Variants in PCCA observed in about 807,000 individuals in gnomAD.
PCCA encodes the protein propionyl-CoA carboxylase alpha chain, mitochondrial.
In PCCA, 74 loss-of-function variants were observed where a neutral mutation model predicts 101.3. The ratio of observed to expected loss-of-function variants is 0.73; its 90% confidence interval spans 0.61 to 0.89. The LOEUF is 0.89. PCCA is among the 40% of genes least tolerant of loss of function. PCCA has a pLI of 0.00. For synonymous variants in PCCA, 294 were observed against 313.6 expected (o/e 0.94, Z 0.66); for missense variants, 891 against 907.0 (o/e 0.98, Z 0.23).
chr13:100,462,545 G>A (rs1156436972), intron 21 of PCCA, among the ~76,000 whole-genome samples: 1 of 152,148 alleles, frequency 6.6e-6, no homozygotes, highest in Non-Finnish European at 1.5e-5. Context: ...AGATCTGTTA[G>A]CTTTATTATT....
chr13:100,122,822 A>G (rs2049543846), intron 4 of PCCA, among the ~76,000 whole-genome samples: 1 of 152,112 alleles, frequency 6.6e-6, no homozygotes, highest in Non-Finnish European at 1.5e-5. Context: ...GCACTGTTAG[A>G]TGTTGTCCCT....
chr13:100,311,746 G>A (rs1158843909), intron 16 of PCCA, among the ~76,000 whole-genome samples: 1 of 152,068 alleles, frequency 6.6e-6, no homozygotes, highest in Non-Finnish European at 1.5e-5. Flanking sequence ...CTCCAGCCTG[G>A]GTGACAGTGT....
intron 22 of PCCA, among the ~76,000 whole-genome samples, chr13:100,516,384 A>G (rs566843384): frequency 2.0e-5 from 3 of 152,354 alleles, no homozygotes; most frequent in Middle Eastern, 3.4e-3. Context: ...TGATTTCTCA[A>G]TAGTACAGAT....
chr13:100,333,661 G>T (rs2069982910), intron 17 of PCCA, among the ~76,000 whole-genome samples: 1 of 152,078 alleles, frequency 6.6e-6, no homozygotes, highest in Non-Finnish European at 1.5e-5. Context: ...AATTTCATTT[G>T]GCCTATAATG....
intron 19 of PCCA, among the ~76,000 whole-genome samples, chr13:100,400,933 G>A (rs1489080687): frequency 1.3e-5 from 2 of 151,932 alleles, no homozygotes; most frequent in African/African-American, 4.8e-5. Context: ...CCTCATCTTA[G>A]TTCTCTATGT....
intron 12 of PCCA, among the ~76,000 whole-genome samples, chr13:100,292,125 G>A (rs1025802722): frequency 2.6e-5 from 4 of 152,086 alleles, no homozygotes; most frequent in Non-Finnish European, 5.9e-5. Context: ...AGCTAACCTG[G>A]GTTATCTGGA....
chr13:100,323,256 G>T (rs1236002854), intron 16 of PCCA, among the ~76,000 whole-genome samples: 1 of 152,070 alleles, frequency 6.6e-6, no homozygotes, highest in Non-Finnish European at 1.5e-5. Flanking sequence ...CCATTGTCTT[G>T]TAGGAAAGTT....
chr13:100,118,659 C>G (rs1234141943), intron 4 of PCCA, among the ~76,000 whole-genome samples: 1 of 152,018 alleles, frequency 6.6e-6, no homozygotes, highest in Non-Finnish European at 1.5e-5. Context: ...AGCGATCCTC[C>G]CACCTTAGTT....
intron 4 of PCCA, among the ~76,000 whole-genome samples, chr13:100,134,472 G>A (rs1014411723): frequency 6.6e-6 from 1 of 152,172 alleles, no homozygotes; most frequent in Non-Finnish European, 1.5e-5. Flanking sequence ...ATCTACATCA[G>A]TTTGGGAAGA....
At chr13:100,368,440 T>C in intron 18 of PCCA, 32 bp from the exon 19 acceptor site, 1 of 1,134,988 alleles carries the variant, frequency 8.8e-7, no homozygotes, top group Admixed American at 1.7e-5. Flanking sequence ...AATATAAAAT[T>C]ATTAACTCTT....
At chr13:100,184,858 G>A (rs186607190) in intron 6 of PCCA, among the ~76,000 whole-genome samples, 133 of 143,932 alleles carry the variant, frequency 9.2e-4, no homozygotes, top group African/African-American at 3.0e-3. Flanking sequence ...GATTTGGCCT[G>A]TAGGCTGTAA....
At chr13:100,459,510 A>G (rs185452542) in intron 21 of PCCA, among the ~76,000 whole-genome samples, 3 of 152,232 alleles carry the variant, frequency 2.0e-5, no homozygotes, top group East Asian at 3.9e-4. Flanking sequence ...TCAAAAATGC[A>G]GGAACACTGA....
chr13:100,223,681 GC>G (rs770124652), intron 7 of PCCA, among the ~76,000 whole-genome samples: 10 of 152,020 alleles, frequency 6.6e-5, no homozygotes, highest in Non-Finnish European at 1.3e-4. Flanking sequence ...CTCTTATCCG[GC>G]CCCACCCACA....
chr13:100,224,049 G>T (rs983142593), intron 7 of PCCA, among the ~76,000 whole-genome samples: 1 of 152,252 alleles, frequency 6.6e-6, no homozygotes, highest in Non-Finnish European at 1.5e-5. Context: ...CCGTGCGCCC[G>T]CACTCCTCAG....
intron 16 of PCCA, among the ~76,000 whole-genome samples, chr13:100,317,679 A>G (rs191408221): frequency 4.6e-5 from 7 of 152,168 alleles, no homozygotes; most frequent in African/African-American, 1.4e-4. Context: ...CTTAACCTCC[A>G]GGGTTCAGCT....
intron 21 of PCCA, among the ~76,000 whole-genome samples, chr13:100,475,530 A>G (rs1208476912): frequency 6.6e-6 from 1 of 152,146 alleles, no homozygotes; most frequent in Non-Finnish European, 1.5e-5. Flanking sequence ...ATATACCTTA[A>G]CATTTTATTT....
At chr13:100,517,603 A>T (rs2086932325) in intron 22 of PCCA, among the ~76,000 whole-genome samples, 2 of 152,150 alleles carry the variant, frequency 1.3e-5, no homozygotes. Flanking sequence ...CCTGGGGGGC[A>T]CGCGTAGTGA....
intron 19 of PCCA, among the ~76,000 whole-genome samples, chr13:100,396,390 T>C (rs1416682291): frequency 6.6e-6 from 1 of 152,234 alleles, no homozygotes; most frequent in African/African-American, 2.4e-5. Context: ...AAGGCTCTAG[T>C]ACAGTGGCTG....
intron 6 of PCCA, among the ~76,000 whole-genome samples, chr13:100,206,413 T>C (rs2152880): frequency 0.52 from 78,409 of 151,780 alleles, 20,791 homozygotes; most frequent in East Asian, 0.72. Flanking sequence ...ATTACAGGCG[T>C]GCACCACCAT....
Sources: allele counts gnomAD v4.1 joint callset (sites outside exome capture counted in the v4.1 genomes callset), GRCh38; gene constraint gnomAD v4.1.1; transcripts MANE v1.5; gene names NCBI Gene and HGNC (gene_info 2026-07-23, HGNC 2026-07-21).